The following GRID2 variants were observed in gnomAD, a reference collection of about 807,000 sequenced individuals.
GRID2 encodes glutamate receptor ionotropic, delta-2.
Under a neutral mutation model 114.8 loss-of-function variants are expected in GRID2, and 33 were observed. That is an observed-to-expected ratio of 0.29 (90% CI 0.22 to 0.38). The LOEUF (loss-of-function observed/expected upper bound fraction) is 0.38, where lower values mean the gene tolerates loss of function less well. Ranked by LOEUF, GRID2 falls within the 10% of genes least tolerant of loss-of-function variation. The pLI, the probability that GRID2 is intolerant of heterozygous loss-of-function variation, is 1.00. For synonymous variants in GRID2, 505 were observed against 449.9 expected (o/e 1.12, Z -1.55); for missense variants, 1,184 against 1,257.7 (o/e 0.94, Z 0.89).
chr4:93,314,429 A>C (rs1455547601), intron 8 of GRID2, among the ~76,000 whole-genome samples: 1 of 151,824 alleles, frequency 6.6e-6, no homozygotes, highest in African/African-American at 2.4e-5. Flanking sequence ...TTTCCTACAC[A>C]TTGTATTCCA....
At position 92,944,835 on chromosome 4, in the gene GRID2, C is replaced by T. The variant is rs550465880; in HGVS notation, c.245-140160C>T. ...AATATTTTGAATATGTAAGTCTTAC[C>T]CTTTGGAGTTTACTGTCCAAAGGGC... On this transcript the variant is annotated intron_variant, in intron 2 of 15. Coordinates refer to ENST00000282020, the MANE Select transcript of GRID2 (RefSeq NM_001510.4). Among the ~76,000 whole-genome samples, 6 of 151,808 alleles carry T rather than the reference C, an allele frequency of 4.0e-5. No individual in the cohort carries two copies. In the East Asian group the frequency reaches 1.2e-3, roughly 29 times the overall value.
chr4:92,617,974 A>C (rs1316811700), intron 2 of GRID2, among the ~76,000 whole-genome samples: 2 of 151,542 alleles, frequency 1.3e-5, no homozygotes, highest in African/African-American at 4.8e-5. Flanking sequence ...TTGTCTTTTT[A>C]TGCTGTTAAT....
chr4:93,243,700 G>A (rs1457142175), intron 8 of GRID2, among the ~76,000 whole-genome samples: 2 of 152,006 alleles, frequency 1.3e-5, no homozygotes, highest in Non-Finnish European at 2.9e-5. Context: ...TTTGAGTTTG[G>A]TGAGAATGTG....
intron 13 of GRID2, among the ~76,000 whole-genome samples, chr4:93,549,415 A>G (rs1206717465): frequency 2.6e-4 from 40 of 152,230 alleles, no homozygotes; most frequent in Admixed American, 2.6e-3. Context: ...ACCTATTGTC[A>G]GTGGCACTAC....
intron 3 of GRID2, among the ~76,000 whole-genome samples, chr4:93,102,050 A>G (rs1247416533): frequency 6.7e-6 from 1 of 148,322 alleles, no homozygotes; most frequent in African/African-American, 2.6e-5. Context: ...TGTTTGCTTT[A>G]AAAAAAAATG....
intron 2 of GRID2, among the ~76,000 whole-genome samples, chr4:92,733,831 G>A (rs1444526305): frequency 5.3e-5 from 8 of 152,066 alleles, no homozygotes; most frequent in Non-Finnish European, 8.8e-5. Context: ...GCCTGAGAAT[G>A]CCAAATCTGA....
intron 8 of GRID2, among the ~76,000 whole-genome samples, chr4:93,389,446 A>G (rs1311268309): frequency 6.6e-6 from 1 of 152,196 alleles, no homozygotes; most frequent in Admixed American, 6.5e-5. Context: ...AGTTGGAAAC[A>G]TTTTGGTTTT....
chr4:93,635,319 A>G (rs1381987130), intron 14 of GRID2, among the ~76,000 whole-genome samples: 1 of 150,916 alleles, frequency 6.6e-6, no homozygotes, highest in South Asian at 2.1e-4. Flanking sequence ...ACATTTGAAG[A>G]GTCTCAAAAT....
At chr4:93,667,437 C>A (rs1478654222) in intron 14 of GRID2, among the ~76,000 whole-genome samples, 1 of 151,312 alleles carries the variant, frequency 6.6e-6, no homozygotes, top group Admixed American at 6.6e-5. Flanking sequence ...TAGTGATAAC[C>A]AGGAGGTACC....
intron 14 of GRID2, among the ~76,000 whole-genome samples, chr4:93,705,535 A>G (rs974831838): frequency 4.0e-5 from 6 of 151,196 alleles, no homozygotes; most frequent in African/African-American, 1.5e-4. Flanking sequence ...TGATTAATCG[A>G]TATTTTCCTA....
intron 7 of GRID2, among the ~76,000 whole-genome samples, chr4:93,227,719 T>C (rs1745659344): frequency 6.6e-6 from 1 of 152,238 alleles, no homozygotes. Flanking sequence ...CAACCAGATA[T>C]TCTAGTTCAT....
intron 14 of GRID2, among the ~76,000 whole-genome samples, chr4:93,680,443 C>T (rs1189413075): frequency 3.8e-4 from 58 of 151,784 alleles, no homozygotes; most frequent in African/African-American, 1.1e-3. Context: ...CCAGCATCAT[C>T]CTGATACCAA....
chr4:93,424,972 T>A (rs1339207452), intron 10 of GRID2, among the ~76,000 whole-genome samples: 1 of 152,166 alleles, frequency 6.6e-6, no homozygotes, highest in African/African-American at 2.4e-5. Flanking sequence ...GCTTTTTCAT[T>A]CTAGATTGCT....
At chr4:93,626,539 G>A (rs1324812594) in intron 14 of GRID2, 104 bp downstream of exon 14, 4 of 705,606 alleles carry the variant, frequency 5.7e-6, no homozygotes, top group Non-Finnish European at 9.5e-6. Context: ...CCTTTGTTAG[G>A]AGAAGCACAA....
At chr4:92,467,386 G>A (rs945432640) in intron 1 of GRID2, among the ~76,000 whole-genome samples, 4 of 151,690 alleles carry the variant, frequency 2.6e-5, no homozygotes, top group South Asian at 2.1e-4. Context: ...ATGATACTTC[G>A]TTAATAACAC....
chr4:93,315,467 T>G (rs560460851), intron 8 of GRID2, among the ~76,000 whole-genome samples: 1 of 152,292 alleles, frequency 6.6e-6, no homozygotes, highest in Non-Finnish European at 1.5e-5. Context: ...CTCCTAATTC[T>G]TCTTTAATCT....
chr4:93,206,171 A>C (rs1238113773), intron 4 of GRID2, among the ~76,000 whole-genome samples: 2 of 152,130 alleles, frequency 1.3e-5, no homozygotes, highest in African/African-American at 2.4e-5. Context: ...ACCTCAATAA[A>C]GTCACAGGGA....
intron 8 of GRID2, among the ~76,000 whole-genome samples, chr4:93,387,043 C>G (rs539927225): frequency 6.6e-6 from 1 of 152,276 alleles, no homozygotes; most frequent in Admixed American, 6.5e-5. Flanking sequence ...TGAAGGCCTC[C>G]CAGGCAAAGC....
chr4:93,049,717 T>C (rs1726512375), intron 2 of GRID2, among the ~76,000 whole-genome samples: 1 of 152,010 alleles, frequency 6.6e-6, no homozygotes, highest in Non-Finnish European at 1.5e-5. Flanking sequence ...AATATTTTTC[T>C]TCCAATTTTT....
Sources: gnomAD v4.1 joint callset for allele counts (sites outside exome capture counted in the v4.1 genomes callset) on GRCh38, gnomAD v4.1.1 for gene constraint, MANE v1.5 for transcripts, NCBI Gene and HGNC (gene_info 2026-07-23, HGNC 2026-07-21) for gene names.